Variants in SEC22C observed in about 807,000 individuals in gnomAD.
The protein encoded by SEC22C is vesicle-trafficking protein SEC22c.
A neutral mutation model predicts 34.7 loss-of-function variants in SEC22C; 29 were observed. The ratio of observed to expected loss-of-function variants is 0.84; its 90% CI spans 0.62 to 1.14. The LOEUF (loss-of-function observed/expected upper bound fraction) is 1.14. SEC22C is among the 50% of genes most tolerant of loss of function. The pLI is 0.00. For synonymous variants in SEC22C, 117 were observed against 132.8 expected, an observed-to-expected ratio of 0.88 and a Z score of 0.82; for missense variants, 337 against 369.0, an observed-to-expected ratio of 0.91 and a Z score of 0.71.
chr3:42,583,320 A>C (rs1299014056), upstream of SEC22C, among the ~76,000 whole-genome samples: 1 of 152,188 alleles, frequency 6.6e-6, no homozygotes, highest in Non-Finnish European at 1.5e-5. Flanking sequence ...AAAGAGATCT[A>C]AGAAGGCTGC....
At chr3:42,594,764 T>C (rs1704982200) in intron 1 of SEC22C, 1 of 308,638 alleles carries the variant, frequency 3.2e-6, no homozygotes, top group African/African-American at 2.2e-5. Flanking sequence ...TTTCCTGAAC[T>C]TGGAGCATGT....
chr3:42,553,010 T>C lies in SEC22C; in HGVS notation c.*238A>G, dbSNP rs1490812001. 2.7e-5 allele frequency: 37 copies of C among 1,351,074 alleles called. No individual in the cohort carries two copies. The highest frequency in any genetic ancestry group is 3.5e-5 in the Non-Finnish European group (37 of 1,052,990). The allele number at this position is 1,351,074 out of a possible 1,614,324, so 83.7% of individuals were successfully genotyped here. On this transcript the variant is annotated 3_prime_UTR_variant, in exon 7 of 7. Coordinates refer to ENST00000264454, the MANE Select transcript of SEC22C (RefSeq NM_032970.4). Reference sequence around the variant, plus strand: ...GATGAGCCCCCAGATCCAGCTGTCCTAGGTAAACGTGCTGAACTGGCTGGA... The same window carrying C: ...GATGAGCCCCCAGATCCAGCTGTCCCAGGTAAACGTGCTGAACTGGCTGGA...
At chr3:42,584,283 C>T (rs1445658684), upstream of SEC22C, among the ~76,000 whole-genome samples, 1 of 152,178 alleles carries the variant, frequency 6.6e-6, no homozygotes, top group East Asian at 1.9e-4. Context: ...GAGGCTGAGT[C>T]TCACTCTGTG....
chr3:42,586,632 T>C (rs1704620969), upstream of SEC22C, among the ~76,000 whole-genome samples: 1 of 151,710 alleles, frequency 6.6e-6, no homozygotes, highest in Non-Finnish European at 1.5e-5. Context: ...GTTTTCCTCT[T>C]CCTATATCTC....
At chr3:42,590,956 C>T (rs1375110103) in intron 1 of SEC22C, 3 of 1,385,408 alleles carry the variant, frequency 2.2e-6, no homozygotes, top group African/African-American at 3.1e-5. Context: ...AATCAAGAGA[C>T]TATCCAGCGG....
At chr3:42,581,523 T>C (rs1704349394) in intron 1 of SEC22C, among the ~76,000 whole-genome samples, 1 of 152,236 alleles carries the variant, frequency 6.6e-6, no homozygotes, top group African/African-American at 2.4e-5. Context: ...TCGTGAATGG[T>C]TAAAGAAACA....
rs1423699718 is a variant in SEC22C, at chr3:42,553,460, C to A, written c.712-12G>T. 1 of 1,610,322 alleles carries A rather than the reference C, an allele frequency of 6.2e-7. No homozygotes were observed. The highest frequency in any genetic ancestry group is 1.3e-5 in the African/African-American group (1 of 74,686). ...AGGTACAAATAACACTGAAATGAGA[C>A]CAGAAGAGGAATTCCAATCAGAGAT... On this transcript the variant is annotated splice_polypyrimidine_tract_variant and intron_variant, in intron 6 of 6. Coordinates refer to ENST00000264454, the MANE Select transcript of SEC22C (RefSeq NM_032970.4).
chr3:42,563,777 C>T, intron 2 of SEC22C, 91 bp from the exon 3 acceptor site: 1 of 1,581,086 alleles, frequency 6.3e-7, no homozygotes, highest in Non-Finnish European at 8.6e-7. Context: ...GAATTCTGCA[C>T]TTGCTTGGCT....
intron 1 of SEC22C, among the ~76,000 whole-genome samples, chr3:42,588,119 C>T (rs1239234324): frequency 1.3e-5 from 2 of 150,610 alleles, no homozygotes; most frequent in African/African-American, 4.9e-5. Context: ...CAACAAAAAC[C>T]GGGGCCAGGC....
At chr3:42,561,367 T>G in intron 3 of SEC22C, 71 bp from the exon 4 acceptor site, 4 of 1,485,540 alleles carry the variant, frequency 2.7e-6, no homozygotes, top group Non-Finnish European at 2.8e-6. Flanking sequence ...ACGTACAAAA[T>G]GAAGTTCACA....
At chr3:42,591,435 C>A in intron 1 of SEC22C, 1 of 905,570 alleles carries the variant, frequency 1.1e-6, no homozygotes, top group Non-Finnish European at 1.8e-6. Flanking sequence ...CCTCGTGATC[C>A]GCCTAGATCG....
At chr3:42,586,610 C>T (rs1704619940), upstream of SEC22C, among the ~76,000 whole-genome samples, 1 of 151,844 alleles carries the variant, frequency 6.6e-6, no homozygotes, top group Non-Finnish European at 1.5e-5. Context: ...AGCCATAACC[C>T]CCACTCTCCT....
intron 2 of SEC22C, chr3:42,565,972 T>A: frequency 2.2e-6 from 1 of 445,228 alleles, no homozygotes; most frequent in Admixed American, 2.5e-5. Flanking sequence ...TTTTTATTCC[T>A]TTTTCCAAAA....
At position 42,563,827 on chromosome 3, in the gene SEC22C, T is replaced by C. The variant is rs775692535; in HGVS notation, c.183-141A>G. 7.8e-6 allele frequency: 12 copies of C among 1,529,864 alleles called. No homozygotes were observed. In the South Asian group the frequency reaches 1.2e-4, roughly 15 times the overall value. The allele number at this position is 1,529,864 out of a possible 1,614,324, so 94.8% of individuals were successfully genotyped here. A position where few individuals can be genotyped will look rare whatever the true frequency, so the allele number is the denominator to read the frequency against. On this transcript the variant is annotated intron_variant, in intron 2 of 6. Transcript: ENST00000264454. ...AGCTGTTTGCTGCAGGTATATTGTC[T>C]CTTCAGTTCGACCTATTCCTGAGAC... is the stretch of plus-strand genomic sequence containing the variant.
intron 4 of SEC22C, among the ~76,000 whole-genome samples, chr3:42,560,882 C>T (rs1018568124): frequency 3.3e-5 from 5 of 151,960 alleles, no homozygotes; most frequent in African/African-American, 9.7e-5. Flanking sequence ...TCAAGTGATC[C>T]GCCTGACTTG....
Position 42,552,556 on chromosome 3 carries a change from A to C in SEC22C, c.*692T>G, listed in dbSNP as rs1702302833. On this transcript the variant is annotated 3_prime_UTR_variant, in exon 7 of 7. Transcript: ENST00000264454. ...TATACCCTGCAAATAAATATAAAAC[A>C]TCTCTGTACCCAAACAGTCCCACCA... The C allele has an allele frequency of 1.4e-5, 14 of 978,610 alleles. No individual in the cohort carries two copies. In the South Asian group the frequency reaches 4.3e-4, roughly 30 times the overall value. The allele number at this position is 978,610 out of a possible 1,614,324, so 60.6% of individuals were successfully genotyped here.
At chr3:42,567,615 G>T (rs1450993871) in intron 2 of SEC22C, among the ~76,000 whole-genome samples, 4 of 152,120 alleles carry the variant, frequency 2.6e-5, no homozygotes, top group Non-Finnish European at 5.9e-5. Context: ...TTGTAACCAG[G>T]ATTATTGTAA....
rs2271184 is a variant in SEC22C at position 42,557,599 on chromosome 3, G to A, written c.624C>T (p.His208=). Residue 208 remains histidine, a synonymous_variant, in exon 5 of 7, where the codon CAC becomes CAT. Coordinates refer to ENST00000264454, the MANE Select transcript of SEC22C (RefSeq NM_032970.4). ...CAALNLIRGV[H]LAEHSLQVAH... ...TTACCTGTAAAGAATGTTCTGCAAGGTGAACTCCTCGAATGAGATTCAGGG... is the reference window on the plus strand; with the variant it reads ...TTACCTGTAAAGAATGTTCTGCAAGATGAACTCCTCGAATGAGATTCAGGG... 0.21 allele frequency: 337,616 copies of A among 1,571,562 alleles called. 39,741 individuals are homozygous for A. The highest frequency in any genetic ancestry group is 0.43 in the East Asian group (19,082 of 44,284).
Position 42,600,853 on chromosome 3 carries a change from G to A in SEC22C, c.-28+107C>T, listed in dbSNP as rs578163950. ...CGGGGCGGGAGGGGGCCTCGTCTTG[G>A]CCTCCTGCGCTGTCGCGACGGGCCG... On this transcript the variant is annotated intron_variant, in intron 1 of 6. Transcript: ENST00000417572. 1.1e-3 allele frequency: 565 copies of A among 499,590 alleles called. 1 individual carries two copies. Among genetic ancestry groups the A allele is most frequent in the African/African-American group, 0.01 (516 of 49,684 alleles). The allele number at this position is 499,590 out of a possible 1,614,324, so 30.9% of individuals were successfully genotyped here. A position where few individuals can be genotyped will look rare whatever the true frequency, so the allele number is the denominator to read the frequency against.
Sources: gnomAD v4.1 joint callset for allele counts (sites outside exome capture counted in the v4.1 genomes callset) on GRCh38, gnomAD v4.1.1 for gene constraint, MANE v1.5 for transcripts, NCBI Gene and HGNC (gene_info 2026-07-23, HGNC 2026-07-21) for gene names.